The following CDK14 variants were observed in gnomAD, a reference collection of about 807,000 sequenced individuals.
CDK14 encodes cyclin-dependent kinase 14.
A neutral mutation model predicts 60.7 loss-of-function variants in CDK14; 34 were observed. That is an observed-to-expected ratio of 0.56 (90% confidence interval 0.43 to 0.75). The LOEUF (loss-of-function observed/expected upper bound fraction) is 0.75. CDK14 is among the 30% of genes least tolerant of loss of function. CDK14 has a pLI of 0.00. For synonymous variants in CDK14, 197 were observed against 203.7 expected (o/e 0.97, Z 0.28); for missense variants, 482 against 564.1 (o/e 0.85, Z 1.47).
chr7:91,199,996 C>T (rs1802667601), intron 14 of CDK14, among the ~76,000 whole-genome samples: 1 of 152,134 alleles, frequency 6.6e-6, no homozygotes, highest in South Asian at 2.1e-4. Flanking sequence ...TAATTTTCTA[C>T]TTCCTTCTGT....
At chr7:90,806,304 C>T (rs1435989424) in intron 5 of CDK14, among the ~76,000 whole-genome samples, 1 of 151,900 alleles carries the variant, frequency 6.6e-6, no homozygotes, top group Non-Finnish European at 1.5e-5. Flanking sequence ...CTTAAAAAGA[C>T]ACCATTAAAG....
At chr7:91,114,584 G>A (rs1379866110) in intron 13 of CDK14, among the ~76,000 whole-genome samples, 1 of 152,144 alleles carries the variant, frequency 6.6e-6, no homozygotes, top group African/African-American at 2.4e-5. Flanking sequence ...ATATTCATTG[G>A]CAGAAACACG....
intron 8 of CDK14, among the ~76,000 whole-genome samples, chr7:90,926,434 A>G (rs1793417688): frequency 6.6e-6 from 1 of 152,234 alleles, no homozygotes; most frequent in Non-Finnish European, 1.5e-5. Flanking sequence ...CTCTTTAATT[A>G]TATTCCTGGG....
intron 14 of CDK14, among the ~76,000 whole-genome samples, chr7:91,180,647 T>C (rs1032230595): frequency 2.6e-5 from 4 of 152,272 alleles, no homozygotes; most frequent in African/African-American, 7.2e-5. Flanking sequence ...AAACAGCCTA[T>C]GTGTGTCAGA....
chr7:91,130,105 T>C (rs1163361425), intron 14 of CDK14, among the ~76,000 whole-genome samples: 2 of 152,160 alleles, frequency 1.3e-5, no homozygotes, highest in South Asian at 2.1e-4. Context: ...TAAAATACTT[T>C]TTTCTTTTCC....
At chr7:90,713,651 G>A (rs1200478478) in intron 2 of CDK14, among the ~76,000 whole-genome samples, 1 of 149,506 alleles carries the variant, frequency 6.7e-6, no homozygotes, top group Non-Finnish European at 1.5e-5. Context: ...TTTTCATCAG[G>A]AGAGATAAGA....
chr7:91,190,184 A>G (rs563499066), intron 14 of CDK14, among the ~76,000 whole-genome samples: 1 of 152,324 alleles, frequency 6.6e-6, no homozygotes, highest in Admixed American at 6.5e-5. Context: ...GGTTCTGCTC[A>G]TTGTTCACTC....
rs547488981 is a variant in CDK14, at chr7:90,884,965, C to T, written c.640-14326C>T. On this transcript the variant is annotated intron_variant, in intron 6 of 14. Coordinates refer to ENST00000380050, the MANE Select transcript of CDK14 (RefSeq NM_001287135.2). Reference sequence around the variant, plus strand: ...ATGGCTTAACGGCTTAAATGTAAAACCCAAAATCATAAAAACCCTAGAGGA... The same window carrying T: ...ATGGCTTAACGGCTTAAATGTAAAATCCAAAATCATAAAAACCCTAGAGGA... Among the ~76,000 whole-genome samples, 15 of 152,240 alleles carry T rather than the reference C, an allele frequency of 9.9e-5. No homozygotes were observed. In the East Asian group the frequency reaches 2.9e-3, roughly 29 times the overall value.
chr7:90,720,299 T>G (rs1802400833), intron 2 of CDK14, among the ~76,000 whole-genome samples: 1 of 152,098 alleles, frequency 6.6e-6, no homozygotes, highest in Non-Finnish European at 1.5e-5. Flanking sequence ...CAAAGGCAAT[T>G]TTGGAGACAA....
chr7:90,969,398 A>G (rs2117620777), intron 9 of CDK14, among the ~76,000 whole-genome samples: 1 of 152,296 alleles, frequency 6.6e-6, no homozygotes, highest in East Asian at 1.9e-4. Context: ...TTTAGCAGTG[A>G]TTTCTCTTCA....
chr7:90,744,658 TCCC>T (rs1803506825), intron 3 of CDK14, among the ~76,000 whole-genome samples: 8 of 142,926 alleles, frequency 5.6e-5, no homozygotes, highest in African/African-American at 2.0e-4. Context: ...CCCACCTCCC[TCCC>T]GGACGGGGCG....
rs75777512 is a variant in CDK14, at chr7:91,138,660, A to G, written c.*28+20452A>G. Among the ~76,000 whole-genome samples the G allele has an allele frequency of 6.4e-3, 979 of 152,178 alleles. 15 individuals are homozygous for G. Among genetic ancestry groups the G allele is most frequent in the African/African-American group, 0.022 (933 of 41,510 alleles). On this transcript the variant is annotated intron_variant, in intron 14 of 14. Coordinates refer to ENST00000380050, the MANE Select transcript of CDK14 (RefSeq NM_001287135.2). The stretch of plus-strand genomic sequence containing the variant: ...GGGGTAGAATTTTTTTATGTTGGTG[A>G]TAATTTTGTAGCATGAATAGATTTT...
chr7:90,657,985 A>G (rs1437929183), intron 2 of CDK14, among the ~76,000 whole-genome samples: 2 of 152,172 alleles, frequency 1.3e-5, no homozygotes, highest in African/African-American at 2.4e-5. Context: ...TGTAGGATCA[A>G]TTATTATGTT....
At chr7:91,070,344 T>C (rs1280102752) in intron 11 of CDK14, among the ~76,000 whole-genome samples, 1 of 152,196 alleles carries the variant, frequency 6.6e-6, no homozygotes, top group Non-Finnish European at 1.5e-5. Context: ...CTCATGTTTC[T>C]AGAATAAGAG....
At chr7:90,957,758 G>A (rs1219032433) in intron 9 of CDK14, among the ~76,000 whole-genome samples, 12 of 151,816 alleles carry the variant, frequency 7.9e-5, no homozygotes, top group East Asian at 1.9e-4. Flanking sequence ...AATCAATATC[G>A]TGAAAATGGC....
At chr7:90,617,661 C>T (rs1189462681) in intron 2 of CDK14, among the ~76,000 whole-genome samples, 3 of 152,226 alleles carry the variant, frequency 2.0e-5, no homozygotes, top group African/African-American at 7.2e-5. Context: ...AGTTTCTTTG[C>T]TGAATTACTC....
intron 12 of CDK14, among the ~76,000 whole-genome samples, chr7:91,084,752 T>C (rs1798584799): frequency 6.6e-6 from 1 of 152,238 alleles, no homozygotes; most frequent in Non-Finnish European, 1.5e-5. Context: ...CTCTTACTAA[T>C]TGGCAGTATG....
chr7:90,640,381 G>A (rs1349593052), intron 2 of CDK14, among the ~76,000 whole-genome samples: 1 of 152,012 alleles, frequency 6.6e-6, no homozygotes, highest in African/African-American at 2.4e-5. Flanking sequence ...TGTGGTCACA[G>A]GAAATCATAG....
chr7:91,129,699 G>T (rs1800061411), intron 14 of CDK14, among the ~76,000 whole-genome samples: 1 of 152,122 alleles, frequency 6.6e-6, no homozygotes. Context: ...GTATTAATTT[G>T]TTGATAAAAT....
Sources: allele counts gnomAD v4.1 joint callset (sites outside exome capture counted in the v4.1 genomes callset), GRCh38; gene constraint gnomAD v4.1.1; transcripts MANE v1.5; gene names NCBI Gene and HGNC (gene_info 2026-07-23, HGNC 2026-07-21).